ETNPPL: variants seen among roughly 807,000 people sequenced by gnomAD.
ETNPPL encodes the protein alanine--glyoxylate aminotransferase 2-like 1.
A neutral mutation model predicts 55.5 loss-of-function variants in ETNPPL; 30 were observed. The observed-to-expected ratio is 0.54, with a 90% CI of 0.40 to 0.73. The LOEUF is 0.73. ETNPPL is among the 30% of genes least tolerant of loss of function. The pLI, the probability that ETNPPL is intolerant of heterozygous loss-of-function variation, is 0.00. For missense variants in ETNPPL, 528 were observed against 607.9 expected, an observed-to-expected ratio of 0.87 and a Z score of 1.38; for synonymous variants, 202 against 207.2, an observed-to-expected ratio of 0.98 and a Z score of 0.21.
At chr4:108,753,044 T>C in intron 5 of ETNPPL, 33 bp from the exon 6 acceptor site, 1 of 1,306,866 alleles carries the variant, frequency 7.7e-7, no homozygotes, top group Non-Finnish European at 1.1e-6. Flanking sequence ...TTGCTTGTAA[T>C]TTGCCTTTTC....
At chr4:108,754,569 T>C (rs1337859947) in intron 5 of ETNPPL, 51 bp downstream of exon 5, 9 of 961,036 alleles carry the variant, frequency 9.4e-6, no homozygotes, top group Non-Finnish European at 1.0e-5. Flanking sequence ...GGATTATCAT[T>C]AAGCATTCCT....
At chr4:108,747,152 T>A (rs868482170) in intron 9 of ETNPPL, among the ~76,000 whole-genome samples, 1 of 20,742 alleles carries the variant, frequency 4.8e-5, no homozygotes, top group African/African-American at 2.7e-4. Context: ...ATATATAATA[T>A]ATATATATAT....
At position 108,756,510 on chromosome 4, in the gene ETNPPL, A is replaced by G; in HGVS notation, c.336-18T>C. 6.3e-7 allele frequency: 1 copy of G among 1,597,186 alleles called. No individual in the cohort carries two copies. ...CTTCGGATCTATTAAGATAACATAGAGAGAGAGGACACTGTGACAGTCTCT... is the reference window on the plus strand; with the variant it reads ...CTTCGGATCTATTAAGATAACATAGGGAGAGAGGACACTGTGACAGTCTCT... On this transcript the variant is annotated intron_variant, in intron 3 of 12. Transcript: ENST00000296486.
intron 4 of ETNPPL, 78 bp downstream of exon 4, chr4:108,756,340 G>T: frequency 2.1e-6 from 2 of 948,820 alleles, no homozygotes; most frequent in Non-Finnish European, 3.5e-6. Context: ...TGCGTTCATG[G>T]TATTAGTATG....
chr4:108,751,021 A>C lies in ETNPPL; in HGVS notation c.619-3T>G. On this transcript the variant is annotated splice_polypyrimidine_tract_variant and splice_region_variant and intron_variant, in intron 6 of 12. Transcript: ENST00000296486. ...GATTCAGCAATAAAGGCAGCAATCT[A>C]TACAAGAGAAGATGGTGTCAAAGTC... is the stretch of plus-strand genomic sequence containing the variant. 1.2e-6 allele frequency: 2 copies of C among 1,610,084 alleles called. No homozygotes were observed. Among genetic ancestry groups the C allele is most frequent in the Non-Finnish European group, 1.7e-6 (2 of 1,176,666 alleles).
chr4:108,751,390 C>T (rs1232642780), intron 6 of ETNPPL, among the ~76,000 whole-genome samples: 4 of 152,118 alleles, frequency 2.6e-5, no homozygotes, highest in African/African-American at 9.7e-5. Context: ...AAGGCATTGT[C>T]GTGATGCCTG....
In ETNPPL at chr4:108,742,488, G is replaced by T. The variant is rs201160952; in HGVS notation, c.1496C>A (p.Thr499Lys). The T allele has an allele frequency of 1.2e-6, 2 of 1,614,116 alleles. No homozygotes were observed. The highest frequency in any genetic ancestry group is 8.5e-7 in the Non-Finnish European group (1 of 1,179,972). Residue 499 changes from threonine (T) to lysine (K), a missense_variant, in exon 13 of 13, where the codon ACA (threonine) becomes AAA (lysine). Coordinates refer to ENST00000296486, the MANE Select transcript of ETNPPL (RefSeq NM_031279.4). Reference protein sequence around the residue: ...THSLLSKRLKT With the variant: ...THSLLSKRLKK The stretch of plus-strand genomic sequence containing the variant: ...TTGCTTTAAAATGCAAATCAGTCAT[G>T]TCTTGAGCCTCTTACTGAGCAGTGA...
Position 108,754,614 on chromosome 4 carries a change from A to T in ETNPPL, c.501+6T>A. Reference sequence around the variant, plus strand: ...ACATTCTGATTTAGGATTTTAAGACACTTACCACATGTACAAATTCTTTTT... The same window carrying T: ...ACATTCTGATTTAGGATTTTAAGACTCTTACCACATGTACAAATTCTTTTT... On this transcript the variant is annotated splice_donor_region_variant and intron_variant, in intron 5 of 12. Coordinates refer to ENST00000296486, the MANE Select transcript of ETNPPL (RefSeq NM_031279.4). The T allele has an allele frequency of 7.1e-7, 1 of 1,414,650 alleles. No individual in the cohort carries two copies. The highest frequency in any genetic ancestry group is 1.0e-6 in the Non-Finnish European group (1 of 1,002,710). The allele number at this position is 1,414,650 out of a possible 1,614,324, so 87.6% of individuals were successfully genotyped here. A position where few individuals can be genotyped will look rare whatever the true frequency, so the allele number is the denominator to read the frequency against.
Position 108,742,327 on chromosome 4 carries a change from C to T in ETNPPL, c.*157G>A, listed in dbSNP as rs11549396. The T allele has an allele frequency of 1.4e-5, 9 of 641,904 alleles. No individual in the cohort carries two copies. The highest frequency in any genetic ancestry group is 2.1e-5 in the Non-Finnish European group (8 of 382,484). 39.8% of individuals were successfully genotyped at this position (641,904 alleles called of 1,614,324 possible). On this transcript the variant is annotated 3_prime_UTR_variant, in exon 13 of 13. Coordinates refer to ENST00000296486, the MANE Select transcript of ETNPPL (RefSeq NM_031279.4). The stretch of plus-strand genomic sequence containing the variant: ...AATAATCTTGACATGGTTTGATTAT[C>T]ACTTGGTTTATTCTGATTACTCATT...
chr4:108,758,319 C>T (rs1011079471), intron 3 of ETNPPL, among the ~76,000 whole-genome samples: 2 of 152,048 alleles, frequency 1.3e-5, no homozygotes, highest in Non-Finnish European at 2.9e-5. Flanking sequence ...GGAGTTTCTA[C>T]TATATATCTA....
chr4:108,757,825 G>T (rs1261512954), intron 3 of ETNPPL, among the ~76,000 whole-genome samples: 3 of 147,758 alleles, frequency 2.0e-5, no homozygotes, highest in Admixed American at 1.3e-4. Flanking sequence ...AACCCCTATG[G>T]GTTACAGGGG....
intron 1 of ETNPPL, 78 bp from the exon 2 acceptor site, chr4:108,760,384 C>T: frequency 2.8e-6 from 2 of 722,186 alleles, no homozygotes; most frequent in Non-Finnish European, 4.7e-6. Flanking sequence ...AGGTCCCCAT[C>T]AGTGGAAAAG....
In ETNPPL at chr4:108,748,094, G is replaced by T. The variant is rs768320780; in HGVS notation, c.993C>A (p.Asp331Glu). 1 of 1,610,734 alleles carries T rather than the reference G, an allele frequency of 6.2e-7. No homozygotes were observed. Among genetic ancestry groups the T allele is most frequent in the Non-Finnish European group, 8.5e-7 (1 of 1,178,482 alleles). The change falls in exon 9 of 13, where the codon GAC becomes GAA. Residue 331 changes from aspartate (D) to glutamate (E), a missense_variant. Coordinates refer to ENST00000296486, the MANE Select transcript of ETNPPL (RefSeq NM_031279.4). The stretch of plus-strand genomic sequence containing the variant: ...CTACTCTCTTGGCATTTCCTTGAAG[G>T]TCTTCATTTTCAATTATATCCAGGA... Reference protein sequence around the residue: ...LAVLDIIENEDLQGNAKRVGN... With the variant: ...LAVLDIIENEELQGNAKRVGN...
rs974905262 is a variant in ETNPPL, at chr4:108,759,983, C to T, written c.176-75G>A. 3.6e-6 allele frequency: 5 copies of T among 1,383,938 alleles called. No homozygotes were observed. In the African/African-American group the frequency reaches 4.3e-5, roughly 12 times the overall value. 85.7% of individuals were successfully genotyped at this position (1,383,938 alleles called of 1,614,324 possible). On this transcript the variant is annotated intron_variant, in intron 2 of 12. Transcript: ENST00000296486. ...CCTGGGAATAAGAGGAATTATGAAGCAAGCAAGCAAGCAAACAAACAAACA... is the reference window on the plus strand; with the variant it reads ...CCTGGGAATAAGAGGAATTATGAAGTAAGCAAGCAAGCAAACAAACAAACA...
intron 7 of ETNPPL, among the ~76,000 whole-genome samples, chr4:108,749,674 C>A (rs1728802296): frequency 6.6e-6 from 1 of 151,964 alleles, no homozygotes; most frequent in South Asian, 2.1e-4. Flanking sequence ...ATATTCCATA[C>A]CAGTTGGGTT....
chr4:108,758,984 G>T (rs888575844), intron 3 of ETNPPL, among the ~76,000 whole-genome samples: 8 of 152,112 alleles, frequency 5.3e-5, no homozygotes, highest in Non-Finnish European at 1.2e-4. Context: ...GGGAGGTGGA[G>T]GTTGCAGTGA....
chr4:108,753,678 G>A (rs1479970812), intron 5 of ETNPPL, among the ~76,000 whole-genome samples: 8 of 151,610 alleles, frequency 5.3e-5, no homozygotes, highest in Non-Finnish European at 1.0e-4. Flanking sequence ...GTAAGCGGAG[G>A]TTTCAGTGAG....
intron 12 of ETNPPL, 134 bp from the exon 13 acceptor site, chr4:108,742,746 A>C: frequency 1.1e-6 from 1 of 913,516 alleles, no homozygotes. Flanking sequence ...GCTCCTTTCT[A>C]ACCCTCTCCT....
chr4:108,761,196 G>A (rs1729493223), intron 1 of ETNPPL, among the ~76,000 whole-genome samples: 1 of 152,006 alleles, frequency 6.6e-6, no homozygotes, highest in Admixed American at 6.6e-5. Flanking sequence ...GAACATTTAA[G>A]AACTAAAGTT....
Sources: gnomAD v4.1 joint callset for allele counts (sites outside exome capture counted in the v4.1 genomes callset) on GRCh38, gnomAD v4.1.1 for gene constraint, MANE v1.5 for transcripts, NCBI Gene and HGNC (gene_info 2026-07-23, HGNC 2026-07-21) for gene names.